The following B9D1 variants were observed in gnomAD, a reference collection of about 807,000 sequenced individuals.
The protein encoded by B9D1 is B9 domain containing 1.
In B9D1, 20 loss-of-function variants were observed where a neutral mutation model predicts 26.1. The ratio of observed to expected loss-of-function variants is 0.77; its 90% CI spans 0.54 to 1.12. The LOEUF is 1.12. B9D1 is among the 50% of genes most tolerant of loss of function. B9D1 has a pLI of 0.00. For missense variants in B9D1, 260 were observed against 273.7 expected, an observed-to-expected ratio of 0.95 and a Z score of 0.35; for synonymous variants, 105 against 103.1, an observed-to-expected ratio of 1.02 and a Z score of -0.11.
At chr17:19,342,601 C>T (rs1469175763), downstream of B9D1, among the ~76,000 whole-genome samples, 1 of 152,142 alleles carries the variant, frequency 6.6e-6, no homozygotes, top group African/African-American at 2.4e-5. Context: ...AGGGGCTCTG[C>T]TTCCAGAAGG....
intron 1 of B9D1, among the ~76,000 whole-genome samples, chr17:19,368,978 CTGAGTA>C (rs1911741677): frequency 6.6e-6 from 1 of 152,192 alleles, no homozygotes; most frequent in Non-Finnish European, 1.5e-5. Flanking sequence ...CTGGATGTTA[CTGAGTA>C]TAAGCACCTC....
chr17:19,341,960 A>C (rs1429331807), downstream of B9D1, among the ~76,000 whole-genome samples: 1 of 152,050 alleles, frequency 6.6e-6, no homozygotes, highest in African/African-American at 2.4e-5. Flanking sequence ...CACATGAGGG[A>C]GGGCCTGGCC....
Position 19,362,644 on chromosome 17 carries a change from AACAGACGGCGTAGCGCGCAGG to A in B9D1, c.-96_-76del. ...TAAGAGACGCCGGCGTTGCCCTAGA[AACAGACGGCGTAGCGCGCAGG>A]ACACGTTTCTTGGCAGCGACACCTT... On this transcript the variant is annotated 5_prime_UTR_variant, in exon 1 of 7. Transcript: ENST00000261499. 6.4e-7 allele frequency: 1 copy of A among 1,555,836 alleles called. No individual in the cohort carries two copies. The highest frequency in any genetic ancestry group is 8.7e-7 in the Non-Finnish European group (1 of 1,149,512).
Position 19,349,897 on chromosome 17 carries a change from C to T in B9D1, c.245-2017G>A, listed in dbSNP as rs1483001934. ...ATGCTACATATCCATCTGAAATTGA[C>T]TTGTGTGTATGAGGACAGGCTGAAG... On this transcript the variant is annotated intron_variant, in intron 3 of 6. Transcript: ENST00000261499. Among the ~76,000 whole-genome samples the T allele has an allele frequency of 2.6e-5, 4 of 152,174 alleles. No individual in the cohort carries two copies. The East Asian group carries it at 7.7e-4, about 29-fold the overall frequency.
At chr17:19,363,436 A>G (rs1911382780), upstream of B9D1, among the ~76,000 whole-genome samples, 1 of 152,198 alleles carries the variant, frequency 6.6e-6, no homozygotes, top group African/African-American at 2.4e-5. Flanking sequence ...GGTAACTACT[A>G]ACTTGTTGAT....
At chr17:19,360,941 C>T (rs1910978842) in intron 1 of B9D1, among the ~76,000 whole-genome samples, 2 of 152,160 alleles carry the variant, frequency 1.3e-5, no homozygotes, top group Non-Finnish European at 2.9e-5. Flanking sequence ...AGCAGGCGAG[C>T]AAGCAAAGCT....
rs1911980510 is a variant in B9D1 at position 19,373,330 on chromosome 17, T to A, written c.-298+4529A>T. 2.0e-5 allele frequency among the ~76,000 whole-genome samples: 3 copies of A among 152,054 alleles called. No individual in the cohort carries two copies. In the South Asian group the frequency reaches 6.2e-4, roughly 31 times the overall value. The stretch of plus-strand genomic sequence containing the variant: ...CTTGGTTCCTCATTTTGGTGACATC[T>A]CCATTGCTAGAAATGGACACTATCA... On this transcript the variant is annotated intron_variant, in intron 1 of 5. Transcript: ENST00000477478.
chr17:19,357,922 T>C lies in B9D1; in HGVS notation c.162A>G (p.Thr54=). 3.1e-6 allele frequency: 5 copies of C among 1,614,102 alleles called. No individual in the cohort carries two copies. Among genetic ancestry groups the C allele is most frequent in the Non-Finnish European group, 4.2e-6 (5 of 1,179,974 alleles). The change falls in exon 3 of 7, where the codon ACA becomes ACG. Residue 54 remains threonine, a synonymous_variant. Coordinates refer to ENST00000261499, the MANE Select transcript of B9D1 (RefSeq NM_015681.6). ...CTTGCCGCACATCTTGGCTCTTGGA[T>C]GTGATCTGTGAGATCCCCTCCTCCA... The part of the protein sequence containing the change: ...AGLEEGISQI[T]SKSQDVRQAL...
At chr17:19,339,829 A>G (rs1308607084), downstream of B9D1, among the ~76,000 whole-genome samples, 2 of 152,150 alleles carry the variant, frequency 1.3e-5, no homozygotes, top group African/African-American at 2.4e-5. Context: ...TCCTTTTCAT[A>G]CTTTGCTTTG....
chr17:19,335,290 C>A, downstream of B9D1: 2 of 1,087,962 alleles, frequency 1.8e-6, no homozygotes, highest in Non-Finnish European at 2.6e-6. Flanking sequence ...TGGCTAGATC[C>A]TGAGAGGCTA....
At chr17:19,335,864 T>G (rs944009815), downstream of B9D1, 1 of 157,646 alleles carries the variant, frequency 6.3e-6, no homozygotes, top group Non-Finnish European at 1.4e-5. Context: ...AGAAAAGACT[T>G]GCTTTTACCC....
At chr17:19,367,157 A>T (rs756657532), upstream of B9D1, among the ~76,000 whole-genome samples, 3 of 152,164 alleles carry the variant, frequency 2.0e-5, no homozygotes, top group African/African-American at 4.8e-5. Context: ...GAAATCTTAG[A>T]GGCCTTTCTG....
At position 19,343,384 on chromosome 17, in the gene B9D1, C is replaced by T. The variant is rs747677339; in HGVS notation, c.550G>A (p.Asp184Asn). Residue 184 changes from aspartate to asparagine, a missense_variant, in exon 7 of 7, where the codon GAC becomes AAC. Transcript: ENST00000261499. ...VTKDMRKLGY[D>N]TGPSDTQGVL... ...CCCTGTGTATCAGAAGGCCCAGTGT[C>T]ATAGCCCAGTTTCCTCATGTCCTTG... The T allele has an allele frequency of 5.6e-6, 9 of 1,614,048 alleles. No homozygotes were observed. The highest frequency in any genetic ancestry group is 1.6e-4 in the Middle Eastern group (1 of 6,084).
At chr17:19,346,120 C>A (rs959573494) in intron 5 of B9D1, among the ~76,000 whole-genome samples, 1 of 152,222 alleles carries the variant, frequency 6.6e-6, no homozygotes, top group African/African-American at 2.4e-5. Context: ...TAGGCTTTCC[C>A]AACCCACTGA....
At chr17:19,343,654 C>T (rs1378511566) in intron 6 of B9D1, 136 bp downstream of exon 6, 3 of 1,596,170 alleles carry the variant, frequency 1.9e-6, no homozygotes, top group Admixed American at 1.7e-5. Context: ...CCAACCAGGC[C>T]CTCATCTGGG....
Position 19,348,622 on chromosome 17 carries a change from T to C in B9D1, c.245-742A>G, listed in dbSNP as rs73308365. On this transcript the variant is annotated intron_variant, in intron 3 of 6. Transcript: ENST00000261499. Reference sequence around the variant, plus strand: ...AGGGAGAGGTTTGTGCCCTTCCCATTACTACCTTCCACCAAAGGTAACCAT... The same window carrying C: ...AGGGAGAGGTTTGTGCCCTTCCCATCACTACCTTCCACCAAAGGTAACCAT... Among the ~76,000 whole-genome samples the C allele has an allele frequency of 5.8e-3, 878 of 152,326 alleles. 9 individuals are homozygous for C. Among genetic ancestry groups the C allele is most frequent in the African/African-American group, 0.02 (815 of 41,564 alleles).
chr17:19,363,280 A>G (rs1911368236), upstream of B9D1, among the ~76,000 whole-genome samples: 1 of 152,218 alleles, frequency 6.6e-6, no homozygotes, highest in Non-Finnish European at 1.5e-5. Context: ...ATCGCTCTTT[A>G]GTTCGAAGCT....
At chr17:19,357,515 G>A (rs1006662951) in intron 3 of B9D1, 36 of 411,952 alleles carry the variant, frequency 8.7e-5, no homozygotes, top group Middle Eastern at 7.6e-4. Flanking sequence ...AGCAGGCACA[G>A]AGTCAGGCCT....
At chr17:19,357,764 G>A in intron 3 of B9D1, 76 bp downstream of exon 3, 2 of 1,053,880 alleles carry the variant, frequency 1.9e-6, no homozygotes, top group Non-Finnish European at 3.0e-6. Flanking sequence ...TCATGGGCTG[G>A]ATGAGGCAGA....
Sources: gnomAD v4.1 joint callset for allele counts (sites outside exome capture counted in the v4.1 genomes callset) on GRCh38, gnomAD v4.1.1 for gene constraint, MANE v1.5 for transcripts, NCBI Gene and HGNC (gene_info 2026-07-23, HGNC 2026-07-21) for gene names.